Variants in SLIT1 observed in about 807,000 individuals in gnomAD.
The protein encoded by SLIT1 is slit guidance ligand 1.
In SLIT1, 66 loss-of-function variants were observed where a neutral mutation model predicts 186.1. The ratio of observed to expected loss-of-function variants is 0.35; its 90% CI spans 0.29 to 0.44. The LOEUF is 0.44. Ranked by LOEUF, SLIT1 falls within the 20% of genes least tolerant of loss-of-function variation. The pLI is 1.00. For missense variants in SLIT1, 1,638 were observed against 2,037.4 expected, an observed-to-expected ratio of 0.80 and a Z score of 3.77; for synonymous variants, 761 against 833.8, an observed-to-expected ratio of 0.91 and a Z score of 1.50.
intron 1 of SLIT1, among the ~76,000 whole-genome samples, chr10:97,180,259 A>G (rs1203310157): frequency 6.6e-6 from 1 of 152,228 alleles, no homozygotes; most frequent in African/African-American, 2.4e-5. Context: ...CCATTTATTG[A>G]GCACTCGCTG....
At chr10:97,048,834 G>A in intron 14 of SLIT1, 121 bp downstream of exon 14, 2 of 926,834 alleles carry the variant, frequency 2.2e-6, no homozygotes, top group East Asian at 5.0e-5. Context: ...TAGGCAGGCA[G>A]GCAAGTGAGC....
Position 97,059,442 on chromosome 10 carries a change from C to G in SLIT1, c.1085+18G>C. 1 of 1,610,648 alleles carries G rather than the reference C, an allele frequency of 6.2e-7. No homozygotes were observed. The highest frequency in any genetic ancestry group is 1.1e-5 in the South Asian group (1 of 91,014). On this transcript the variant is annotated intron_variant, in intron 11 of 36. Transcript: ENST00000266058. ...GGATGCCCTGGGCCACTGAGGAAGC[C>G]TTGGCACTGCTACTCACAGCGAGTT... is the stretch of plus-strand genomic sequence containing the variant.
rs554900083 is a variant in SLIT1, at chr10:97,116,342, TAG to T, written c.413+41474_413+41475del. 1.9e-4 allele frequency among the ~76,000 whole-genome samples: 29 copies of T among 152,288 alleles called. No individual in the cohort carries two copies. In the South Asian group the frequency reaches 5.8e-3, roughly 30 times the overall value. On this transcript the variant is annotated intron_variant, in intron 4 of 36. Transcript: ENST00000266058. ...AGCTAGAGAAGACCATCTCCTGAGC[TAG>T]CCGAAGCCCACTGCAAGGATTCCAG...
At chr10:97,041,449 C>T (rs1406764770) in intron 20 of SLIT1, among the ~76,000 whole-genome samples, 7 of 28,094 alleles carry the variant, frequency 2.5e-4, no homozygotes, top group African/African-American at 1.1e-3. Context: ...GCATGGGGGC[C>T]GGGGGGTAGT....
intron 20 of SLIT1, among the ~76,000 whole-genome samples, chr10:97,042,695 A>G (rs1848699856): frequency 6.6e-6 from 1 of 152,156 alleles, no homozygotes; most frequent in African/African-American, 2.4e-5. Flanking sequence ...AAGGATAGGA[A>G]CTTTATTGCT....
chr10:97,001,283 C>T lies in SLIT1; in HGVS notation c.4434G>A (p.Gln1478=). The change falls in exon 37 of 37, where the codon CAG becomes CAA. Residue 1478 remains glutamine (Q), a synonymous_variant. Coordinates refer to ENST00000266058, the MANE Select transcript of SLIT1 (RefSeq NM_003061.3). ...HQVQRGYAIC[Q]TTRPLSWVEC... ...CCACCCATGACAGGGGGCGCGTGGTCTGGCAGATGGCATAGCCCCTCTGGA... is the reference window on the plus strand; with the variant it reads ...CCACCCATGACAGGGGGCGCGTGGTTTGGCAGATGGCATAGCCCCTCTGGA... The T allele has an allele frequency of 6.2e-7, 1 of 1,613,298 alleles. No homozygotes were observed. Among genetic ancestry groups the T allele is most frequent in the Non-Finnish European group, 8.5e-7 (1 of 1,180,042 alleles).
At chr10:97,039,413 C>A (rs981384776) in intron 21 of SLIT1, among the ~76,000 whole-genome samples, 4 of 152,206 alleles carry the variant, frequency 2.6e-5, no homozygotes, top group Non-Finnish European at 5.9e-5. Flanking sequence ...AGAAGGCCAC[C>A]TTCTCACATG....
chr10:97,086,966 G>A (rs997567085), intron 4 of SLIT1, among the ~76,000 whole-genome samples: 6 of 152,136 alleles, frequency 3.9e-5, no homozygotes, highest in African/African-American at 1.4e-4. Context: ...CGGCTCTGGT[G>A]GGGGATGTGA....
chr10:96,998,992 T>TATC lies in SLIT1; in HGVS notation c.*2117_*2119dup, dbSNP rs1382624448. 1 of 152,460 alleles carries TATC rather than the reference T, an allele frequency of 6.6e-6. No individual in the cohort carries two copies. The highest frequency in any genetic ancestry group is 2.4e-5 in the African/African-American group (1 of 41,578). 9.4% of individuals were successfully genotyped at this position (152,460 alleles called of 1,614,324 possible). A position where few individuals can be genotyped will look rare whatever the true frequency, so the allele number is the denominator to read the frequency against. ...GGGGAATGGTGGTGGCCAGGAAAGCTATCTTTCTCAGGGTTGGTGAGTCCC... is the reference window on the plus strand; with the variant it reads ...GGGGAATGGTGGTGGCCAGGAAAGCTATCATCTTTCTCAGGGTTGGTGAGTCCC... On this transcript the variant is annotated 3_prime_UTR_variant, in exon 37 of 37. Transcript: ENST00000266058.
chr10:97,125,756 T>C (rs1435811176), intron 4 of SLIT1, among the ~76,000 whole-genome samples: 2 of 151,928 alleles, frequency 1.3e-5, no homozygotes, highest in African/African-American at 4.8e-5. Context: ...GGAGAATCAT[T>C]TGAAACCAGG....
chr10:97,162,375 C>T (rs535924364), intron 3 of SLIT1, among the ~76,000 whole-genome samples: 63 of 152,166 alleles, frequency 4.1e-4, no homozygotes, highest in African/African-American at 1.4e-3. Flanking sequence ...TTTAGGAGGC[C>T]GAGGCAGGTG....
At chr10:97,038,426 C>G (rs1848661088) in intron 21 of SLIT1, among the ~76,000 whole-genome samples, 1 of 152,132 alleles carries the variant, frequency 6.6e-6, no homozygotes, top group Admixed American at 6.5e-5. Flanking sequence ...CTTGGACCTC[C>G]CTTCTGGCCT....
At position 97,019,080 on chromosome 10, in the gene SLIT1, T is replaced by C. The variant is rs1048089356; in HGVS notation, c.2774A>G (p.Lys925Arg). ...CGGACTGGACAAGCAGAGATCACACTTGGCCTGGACAGCCAGCGTTGGAGG... is the reference window on the plus strand; with the variant it reads ...CGGACTGGACAAGCAGAGATCACACCTGGCCTGGACAGCCAGCGTTGGAGG... ...QGPPTLAVQA[K>R]CDLCLSSPCQ... Residue 925 changes from lysine to arginine, a missense_variant, in exon 27 of 37, where the codon AAG (lysine) becomes AGG (arginine). Coordinates refer to ENST00000266058, the MANE Select transcript of SLIT1 (RefSeq NM_003061.3). 6.2e-7 allele frequency: 1 copy of C among 1,613,944 alleles called. No homozygotes were observed. The highest frequency in any genetic ancestry group is 1.1e-5 in the South Asian group (1 of 91,040).
chr10:97,135,583 C>T (rs925457993), intron 4 of SLIT1, among the ~76,000 whole-genome samples: 5 of 152,154 alleles, frequency 3.3e-5, no homozygotes, highest in African/African-American at 7.2e-5. Flanking sequence ...AGCAGCTTCC[C>T]GCTGGGCCGC....
chr10:97,166,797 C>A (rs1263548900), intron 1 of SLIT1, among the ~76,000 whole-genome samples: 1 of 152,112 alleles, frequency 6.6e-6, no homozygotes, highest in African/African-American at 2.4e-5. Flanking sequence ...ATTATGCACA[C>A]CCTCACACAA....
chr10:97,045,165 C>A (rs1047512860), intron 18 of SLIT1, among the ~76,000 whole-genome samples: 1 of 151,768 alleles, frequency 6.6e-6, no homozygotes, highest in Non-Finnish European at 1.5e-5. Context: ...TTTGTTATAG[C>A]AGCCTGAACC....
chr10:97,057,482 A>G (rs72821709), intron 11 of SLIT1, among the ~76,000 whole-genome samples: 227 of 152,392 alleles, frequency 1.5e-3, no homozygotes, highest in Admixed American at 3.8e-3. Flanking sequence ...TTCTTGGCGT[A>G]AAGTGCCCTA....
chr10:97,046,191 C>T (rs1038691577), intron 18 of SLIT1, among the ~76,000 whole-genome samples: 5 of 152,230 alleles, frequency 3.3e-5, no homozygotes, highest in African/African-American at 9.6e-5. Flanking sequence ...TCCCACTGAG[C>T]TCCAGATTCT....
chr10:97,148,408 C>A (rs1188079997), intron 4 of SLIT1, among the ~76,000 whole-genome samples: 3 of 151,964 alleles, frequency 2.0e-5, no homozygotes, highest in African/African-American at 7.3e-5. Flanking sequence ...CACACCTCAG[C>A]CTCCTGAGTA....
Sources: gnomAD v4.1 joint callset for allele counts (sites outside exome capture counted in the v4.1 genomes callset) on GRCh38, gnomAD v4.1.1 for gene constraint, MANE v1.5 for transcripts, NCBI Gene and HGNC (gene_info 2026-07-23, HGNC 2026-07-21) for gene names.